The following PDE4D variants were observed in gnomAD, a reference collection of about 807,000 sequenced individuals.
PDE4D encodes 3',5'-cyclic-AMP phosphodiesterase 4D.
Under a neutral mutation model 87.4 loss-of-function variants are expected in PDE4D, and 24 were observed. That is an observed-to-expected ratio of 0.27 (90% CI 0.20 to 0.39). PDE4D has a LOEUF of 0.39. Ranked by LOEUF, PDE4D falls within the 10% of genes least tolerant of loss-of-function variation. The pLI, the probability that PDE4D is intolerant of heterozygous loss-of-function variation, is 1.00. For synonymous variants in PDE4D, 384 were observed against 383.2 expected (o/e 1.00, Z -0.02); for missense variants, 714 against 1,041.0 (o/e 0.69, Z 4.32).
At chr5:59,137,861 C>A (rs1777342922) in intron 5 of PDE4D, among the ~76,000 whole-genome samples, 1 of 152,194 alleles carries the variant, frequency 6.6e-6, no homozygotes, top group African/African-American at 2.4e-5. Flanking sequence ...AAAACGCCAA[C>A]CCTGAGGGAA....
intron 1 of PDE4D, among the ~76,000 whole-genome samples, chr5:59,312,811 G>T (rs2153566858): frequency 6.6e-6 from 1 of 152,302 alleles, no homozygotes; most frequent in South Asian, 2.1e-4. Flanking sequence ...GGGACAAGAT[G>T]CAGGCTCAAC....
chr5:60,252,431 A>T (rs1446494773), intron 1 of PDE4D, among the ~76,000 whole-genome samples: 2 of 141,886 alleles, frequency 1.4e-5, no homozygotes, highest in Non-Finnish European at 1.5e-5. Flanking sequence ...AACATTAGCT[A>T]TAGACTCACT....
At chr5:59,203,180 C>T (rs1581364345) in intron 2 of PDE4D, among the ~76,000 whole-genome samples, 1 of 151,636 alleles carries the variant, frequency 6.6e-6, no homozygotes, top group Non-Finnish European at 1.5e-5. Flanking sequence ...ACCTTCTCTA[C>T]AAAAAAATTA....
chr5:59,386,298 G>A (rs947620396), intron 1 of PDE4D, among the ~76,000 whole-genome samples: 2 of 152,108 alleles, frequency 1.3e-5, no homozygotes, highest in African/African-American at 4.8e-5. Context: ...GATGTTAAGA[G>A]TCCAGTTGAA....
chr5:59,163,808 G>A (rs1036312505), intron 5 of PDE4D, among the ~76,000 whole-genome samples: 3 of 152,286 alleles, frequency 2.0e-5, no homozygotes, highest in Middle Eastern at 3.4e-3. Context: ...AAATGTGTCT[G>A]AGGAATGTTT....
intron 2 of PDE4D, among the ~76,000 whole-genome samples, chr5:59,999,390 G>T (rs1011227731): frequency 5.9e-5 from 9 of 152,022 alleles, no homozygotes; most frequent in African/African-American, 2.2e-4. Context: ...GTGGCTTATT[G>T]CAATGCCACA....
chr5:59,360,706 A>G (rs1782066524), intron 1 of PDE4D, among the ~76,000 whole-genome samples: 1 of 152,204 alleles, frequency 6.6e-6, no homozygotes, highest in South Asian at 2.1e-4. Flanking sequence ...TATTCATTCT[A>G]AACCTTATAT....
At chr5:60,336,029 T>C (rs886388911) in intron 1 of PDE4D, among the ~76,000 whole-genome samples, 2 of 152,016 alleles carry the variant, frequency 1.3e-5, no homozygotes, top group African/African-American at 2.4e-5. Flanking sequence ...CCTCACAGGG[T>C]AGGTTATTGG....
chr5:59,306,570 C>A (rs752237125), intron 1 of PDE4D, among the ~76,000 whole-genome samples: 1 of 152,104 alleles, frequency 6.6e-6, no homozygotes, highest in African/African-American at 2.4e-5. Flanking sequence ...CAATAACAGA[C>A]AAACAGAGAG....
At chr5:59,746,927 A>T (rs926219264) in intron 1 of PDE4D, among the ~76,000 whole-genome samples, 1 of 152,108 alleles carries the variant, frequency 6.6e-6, no homozygotes, top group Non-Finnish European at 1.5e-5. Context: ...TCACATCATT[A>T]ATCTGCTCCC....
Position 59,244,900 on chromosome 5 carries a change from C to T in PDE4D, c.456-28932G>A, listed in dbSNP as rs866129877. On this transcript the variant is annotated intron_variant, in intron 1 of 14. Coordinates refer to ENST00000340635, the MANE Select transcript of PDE4D (RefSeq NM_001104631.2). ...TTTTAATGATGGCTATCCCTGGAAGCTGCAATGACAGGTTATGTGTATTTT... is the reference window on the plus strand; with the variant it reads ...TTTTAATGATGGCTATCCCTGGAAGTTGCAATGACAGGTTATGTGTATTTT... 5.3e-5 allele frequency among the ~76,000 whole-genome samples: 8 copies of T among 151,346 alleles called. No individual in the cohort carries two copies. The Middle Eastern group carries it at 0.01, about 193-fold the overall frequency.
chr5:59,936,671 T>C (rs917670148), intron 3 of PDE4D, among the ~76,000 whole-genome samples: 1 of 152,200 alleles, frequency 6.6e-6, no homozygotes, highest in African/African-American at 2.4e-5. Context: ...TTCAGTTTCA[T>C]TGCAAAAGCA....
At chr5:59,091,778 A>G (rs1055073160) in intron 5 of PDE4D, among the ~76,000 whole-genome samples, 10 of 152,126 alleles carry the variant, frequency 6.6e-5, no homozygotes, top group Non-Finnish European at 1.3e-4. Flanking sequence ...TAAATTTTAC[A>G]TACTTTCTTA....
intron 1 of PDE4D, among the ~76,000 whole-genome samples, chr5:60,278,256 G>C (rs975094912): frequency 6.6e-6 from 1 of 152,012 alleles, no homozygotes; most frequent in Admixed American, 6.6e-5. Context: ...GGTCTCCATG[G>C]TTTCTGATGA....
At chr5:60,395,181 C>A (rs1762806574) in intron 1 of PDE4D, among the ~76,000 whole-genome samples, 1 of 152,166 alleles carries the variant, frequency 6.6e-6, no homozygotes, top group Non-Finnish European at 1.5e-5. Flanking sequence ...CCCCCTCCAC[C>A]ACTGAGTTAC....
At position 58,972,149 on chromosome 5, in the gene PDE4D, T is replaced by A. The variant is rs829259; in HGVS notation, c.*2515A>T. On this transcript the variant is annotated 3_prime_UTR_variant, in exon 15 of 15. Coordinates refer to ENST00000340635, the MANE Select transcript of PDE4D (RefSeq NM_001104631.2). ...GGCACTCTGTGGGGGAAATACTAAG[T>A]GTAGGGAGGAGAGGAATGAGAATGT... The A allele has an allele frequency of 0.59, 89,245 of 152,374 alleles. 26,301 individuals carry two copies. Among genetic ancestry groups the A allele is most frequent in the Middle Eastern group, 0.7 (205 of 294 alleles). The allele number at this position is 152,374 out of a possible 1,614,324, so 9.4% of individuals were successfully genotyped here.
At chr5:59,660,695 C>G (rs1434020106) in intron 1 of PDE4D, among the ~76,000 whole-genome samples, 1 of 152,088 alleles carries the variant, frequency 6.6e-6, no homozygotes, top group Non-Finnish European at 1.5e-5. Context: ...AACTAAAAGG[C>G]TACTTTACAA....
At chr5:60,201,207 A>C (rs1229900057) in intron 1 of PDE4D, among the ~76,000 whole-genome samples, 1 of 117,238 alleles carries the variant, frequency 8.5e-6, no homozygotes, top group African/African-American at 3.8e-5. Flanking sequence ...AAAAGAAAGC[A>C]AAAAAAAAAA....
At chr5:58,984,078 AG>A (rs1745858279) in intron 11 of PDE4D, among the ~76,000 whole-genome samples, 3 of 3,230 alleles carry the variant, frequency 9.3e-4, no homozygotes, top group African/African-American at 5.0e-3. Context: ...CTTAGCCTTG[AG>A]TTAGTTAGAA....
Sources: gnomAD v4.1 joint callset for allele counts (sites outside exome capture counted in the v4.1 genomes callset) on GRCh38, gnomAD v4.1.1 for gene constraint, MANE v1.5 for transcripts, NCBI Gene and HGNC (gene_info 2026-07-23, HGNC 2026-07-21) for gene names.